The following CTNNA2 variants were observed in gnomAD, a reference collection of about 807,000 sequenced individuals.
The protein encoded by CTNNA2 is catenin alpha-2.
In CTNNA2, 42 loss-of-function variants were observed where a neutral mutation model predicts 101.0. The observed-to-expected ratio is 0.42, with a 90% CI of 0.32 to 0.54. The LOEUF is 0.54. Ranked by LOEUF, CTNNA2 falls within the 20% of genes least tolerant of loss-of-function variation. The pLI is 0.14. For synonymous variants in CTNNA2, 450 were observed against 456.4 expected, an observed-to-expected ratio of 0.99 and a Z score of 0.18; for missense variants, 871 against 1,223.1, an observed-to-expected ratio of 0.71 and a Z score of 4.29.
At chr2:80,387,642 C>T (rs565724889) in intron 7 of CTNNA2, among the ~76,000 whole-genome samples, 32 of 152,160 alleles carry the variant, frequency 2.1e-4, no homozygotes, top group Non-Finnish European at 2.8e-4. Flanking sequence ...TAAGGACAAA[C>T]GAAATATAAA....
chr2:79,508,962 T>C (rs1303380715), upstream of CTNNA2, among the ~76,000 whole-genome samples: 1 of 286 alleles, frequency 3.5e-3, no homozygotes, highest in Admixed American at 0.023. Flanking sequence ...GCAGTATATA[T>C]ATATATATAT....
chr2:79,932,492 T>C (rs1274043629), intron 7 of CTNNA2, among the ~76,000 whole-genome samples: 2 of 152,064 alleles, frequency 1.3e-5, no homozygotes, highest in African/African-American at 4.8e-5. Flanking sequence ...CTTTTTTTTT[T>C]TTTCTTTTTT....
intron 7 of CTNNA2, among the ~76,000 whole-genome samples, chr2:79,938,800 A>G (rs1203295297): frequency 6.6e-6 from 1 of 152,242 alleles, no homozygotes; most frequent in Non-Finnish European, 1.5e-5. Flanking sequence ...ATTGCCAAAT[A>G]GTACTCAGAA....
intron 7 of CTNNA2, among the ~76,000 whole-genome samples, chr2:80,078,222 CA>C: frequency 6.6e-6 from 1 of 152,222 alleles, no homozygotes; most frequent in South Asian, 2.1e-4. Flanking sequence ...GCAGTTTTGG[CA>C]AGCTGACGAG....
intron 14 of CTNNA2, among the ~76,000 whole-genome samples, chr2:80,584,180 G>C (rs1046131748): frequency 2.0e-5 from 3 of 152,060 alleles, no homozygotes; most frequent in Non-Finnish European, 4.4e-5. Context: ...CTTTGTCTTT[G>C]ACAGAGGCAT....
At chr2:79,657,540 C>G (rs1238333495) in intron 2 of CTNNA2, among the ~76,000 whole-genome samples, 1 of 151,612 alleles carries the variant, frequency 6.6e-6, no homozygotes, top group Non-Finnish European at 1.5e-5. Context: ...ATGATTCCAA[C>G]CATAGAAAAA....
chr2:79,738,437 A>C (rs1410460069), intron 2 of CTNNA2, among the ~76,000 whole-genome samples: 1 of 152,198 alleles, frequency 6.6e-6, no homozygotes, highest in Non-Finnish European at 1.5e-5. Context: ...TGGCACAGCT[A>C]ATACAACAGT....
At chr2:79,529,060 A>C (rs1672586336) in intron 1 of CTNNA2, among the ~76,000 whole-genome samples, 1 of 152,206 alleles carries the variant, frequency 6.6e-6, no homozygotes, top group African/African-American at 2.4e-5. Flanking sequence ...CAGGAACTTG[A>C]AGAACATGTA....
intron 7 of CTNNA2, among the ~76,000 whole-genome samples, chr2:80,028,536 A>G (rs1695085051): frequency 6.6e-6 from 1 of 152,210 alleles, no homozygotes; most frequent in African/African-American, 2.4e-5. Context: ...TGGCTAGGAG[A>G]GGCCGAATAA....
At chr2:79,623,973 A>G (rs182986026) in intron 1 of CTNNA2, among the ~76,000 whole-genome samples, 2 of 152,212 alleles carry the variant, frequency 1.3e-5, no homozygotes, top group Non-Finnish European at 2.9e-5. Context: ...CTTGAGTCAT[A>G]TGGAAGACAT....
At chr2:80,097,720 T>G (rs918527849) in intron 7 of CTNNA2, among the ~76,000 whole-genome samples, 1 of 152,204 alleles carries the variant, frequency 6.6e-6, no homozygotes, top group Non-Finnish European at 1.5e-5. Flanking sequence ...TATTGTTTTT[T>G]CTCTAAACTT....
intron 7 of CTNNA2, among the ~76,000 whole-genome samples, chr2:80,347,738 G>A (rs141962304): frequency 4.6e-5 from 7 of 152,104 alleles, no homozygotes; most frequent in East Asian, 1.9e-4. Context: ...TACCCTAGAA[G>A]CTTTTTGGAA....
intron 3 of CTNNA2, among the ~76,000 whole-genome samples, chr2:79,848,735 T>C (rs1183169013): frequency 2.0e-5 from 3 of 152,206 alleles, no homozygotes; most frequent in South Asian, 4.1e-4. Flanking sequence ...GGGCAAATAT[T>C]ACATTGGAAA....
At chr2:79,470,252 C>T (rs914919777) in intron 4 of CTNNA2, among the ~76,000 whole-genome samples, 1 of 152,188 alleles carries the variant, frequency 6.6e-6, no homozygotes, top group African/African-American at 2.4e-5. Flanking sequence ...CTGGGCATCT[C>T]AGCTACTCAG....
chr2:80,122,505 G>A (rs77961849), intron 7 of CTNNA2, among the ~76,000 whole-genome samples: 3,001 of 152,144 alleles, frequency 0.02, 97 homozygotes, highest in African/African-American at 0.068. Context: ...GCTGAAAATT[G>A]GAGGGTTGAA....
intron 4 of CTNNA2, among the ~76,000 whole-genome samples, chr2:79,417,723 A>C (rs1001830031): frequency 2.6e-5 from 4 of 152,094 alleles, no homozygotes; most frequent in African/African-American, 9.7e-5. Flanking sequence ...AAATTATTTC[A>C]TAAGTGTGGA....
chr2:80,151,382 T>G (rs1215389360), intron 7 of CTNNA2, among the ~76,000 whole-genome samples: 1 of 152,176 alleles, frequency 6.6e-6, no homozygotes, highest in African/African-American at 2.4e-5. Flanking sequence ...AGTCCTTTGA[T>G]GAGGAGTTCT....
chr2:79,729,698 G>A (rs964282956), intron 2 of CTNNA2, among the ~76,000 whole-genome samples: 6 of 151,922 alleles, frequency 3.9e-5, no homozygotes, highest in East Asian at 1.9e-4. Context: ...AAACATTCCC[G>A]AGAAGCTTGA....
chr2:80,342,262 T>A (rs1018543189), intron 7 of CTNNA2, among the ~76,000 whole-genome samples: 1 of 152,230 alleles, frequency 6.6e-6, no homozygotes, highest in Admixed American at 6.5e-5. Flanking sequence ...ATCCATTGCA[T>A]CTAAATAAAG....
Sources: allele counts gnomAD v4.1 joint callset (sites outside exome capture counted in the v4.1 genomes callset), GRCh38; gene constraint gnomAD v4.1.1; transcripts MANE v1.5; gene names NCBI Gene and HGNC (gene_info 2026-07-23, HGNC 2026-07-21).